POLB: variants seen among roughly 807,000 people sequenced by gnomAD.
POLB encodes 5'-dRP lyase.
In POLB, 37 loss-of-function variants were observed where a neutral mutation model predicts 52.7. That is an observed-to-expected ratio of 0.70 (90% CI 0.54 to 0.92). The LOEUF (loss-of-function observed/expected upper bound fraction) is 0.92, where lower values mean the gene tolerates loss of function less well. Ranked by LOEUF, POLB falls within the 40% of genes least tolerant of loss-of-function variation. The probability of loss-of-function intolerance (pLI) is 0.00; values close to 1 mark genes in which losing one functional copy is unlikely to be tolerated. For missense variants in POLB, 313 were observed against 400.8 expected (o/e 0.78, Z 1.87); for synonymous variants, 138 against 131.3 (o/e 1.05, Z -0.35).
intron 13 of POLB, among the ~76,000 whole-genome samples, chr8:42,371,359 G>A (rs917266847): frequency 8.5e-5 from 13 of 152,214 alleles, no homozygotes; most frequent in Middle Eastern, 6.8e-3. Flanking sequence ...CTGACCTCAG[G>A]TGATCTACCT....
intron 11 of POLB, among the ~76,000 whole-genome samples, chr8:42,363,563 G>T (rs961699316): frequency 6.7e-6 from 1 of 149,294 alleles, no homozygotes; most frequent in Non-Finnish European, 1.5e-5. Context: ...AAAAGAATGG[G>T]TTAATTAGGC....
chr8:42,351,033 T>C (rs1197475058), intron 5 of POLB, among the ~76,000 whole-genome samples: 5 of 152,070 alleles, frequency 3.3e-5, no homozygotes, highest in African/African-American at 9.7e-5. Flanking sequence ...CGCAACCATG[T>C]GTGGCCAATT....
At chr8:42,352,634 A>G in intron 6 of POLB, 66 bp downstream of exon 6, 1 of 937,778 alleles carries the variant, frequency 1.1e-6, no homozygotes, top group Admixed American at 1.9e-5. Context: ...TAGTGCTCTA[A>G]CAAACTTCAA....
Position 42,350,002 on chromosome 8 carries a change from TAAAG to T in POLB, c.262-3_262del. ...ATCATTGTTAGACTTTTTTTTTTCT[TAAAG>T]ATTCGGCAGGATGATACGAGTTCAT... On this transcript the variant is annotated splice_acceptor_variant and splice_polypyrimidine_tract_variant and intron_variant, in intron 4 of 13. Coordinates refer to ENST00000265421, the MANE Select transcript of POLB (RefSeq NM_002690.3). LOFTEE classifies it high-confidence loss of function. 1.3e-6 allele frequency: 2 copies of T among 1,598,966 alleles called. No homozygotes were observed. The highest frequency in any genetic ancestry group is 1.7e-6 in the Non-Finnish European group (2 of 1,166,422).
chr8:42,340,395 A>G (rs531134977), intron 2 of POLB, among the ~76,000 whole-genome samples: 6 of 152,366 alleles, frequency 3.9e-5, no homozygotes, highest in African/African-American at 1.2e-4. Context: ...GATTACCTTC[A>G]GGGTATGTGC....
At chr8:42,350,331 C>T (rs181431280) in intron 5 of POLB, among the ~76,000 whole-genome samples, 4 of 152,274 alleles carry the variant, frequency 2.6e-5, no homozygotes, top group South Asian at 2.1e-4. Context: ...CCTCTGAACT[C>T]CACTACCATT....
At chr8:42,356,626 A>G (rs1455736509) in intron 7 of POLB, among the ~76,000 whole-genome samples, 1 of 150,696 alleles carries the variant, frequency 6.6e-6, no homozygotes, top group Non-Finnish European at 1.5e-5. Context: ...CCTCAGACCT[A>G]GGCAGCTGCT....
At chr8:42,342,593 C>T (rs774779824) in intron 2 of POLB, 133 of 706,056 alleles carry the variant, frequency 1.9e-4, no homozygotes, top group Middle Eastern at 4.0e-4. Flanking sequence ...TTTGGTATCT[C>T]TTAAAGTAGG....
chr8:42,346,490 T>C (rs1428520523), intron 3 of POLB, among the ~76,000 whole-genome samples: 1 of 151,130 alleles, frequency 6.6e-6, no homozygotes, highest in East Asian at 1.9e-4. Flanking sequence ...AGCCAAGCAA[T>C]CCTCCCACCT....
chr8:42,354,488 G>A lies in POLB; in HGVS notation c.371-1028G>A, dbSNP rs945266984. ...TGAGTCACTTTTAGACTTAATATGGGATGTTATGACAATTCTTAAGTTAAA... is the reference window on the plus strand; with the variant it reads ...TGAGTCACTTTTAGACTTAATATGGAATGTTATGACAATTCTTAAGTTAAA... On this transcript the variant is annotated intron_variant, in intron 6 of 13. Coordinates refer to ENST00000265421, the MANE Select transcript of POLB (RefSeq NM_002690.3). 3 of 1,270,352 alleles carry A rather than the reference G, an allele frequency of 2.4e-6. No homozygotes were observed. In the Admixed American group the frequency reaches 6.9e-5, roughly 29 times the overall value. 78.7% of individuals were successfully genotyped at this position (1,270,352 alleles called of 1,614,324 possible).
At chr8:42,352,479 A>C in intron 5 of POLB, 40 bp from the exon 6 acceptor site, 1 of 1,372,310 alleles carries the variant, frequency 7.3e-7, no homozygotes, top group Non-Finnish European at 1.0e-6. Flanking sequence ...AAGGATCCCA[A>C]GTTTCACCCA....
intron 6 of POLB, 108 bp from the exon 7 acceptor site, chr8:42,355,408 T>C (rs540449627): frequency 7.6e-6 from 5 of 660,540 alleles, no homozygotes; most frequent in Middle Eastern, 2.6e-4. Context: ...GTCATTTCAA[T>C]GTATTTGTTC....
rs1004766454 is a variant in POLB at position 42,342,349 on chromosome 8, G to C, written c.120-2604G>C. ...CAGCAGGCCAGTACAATATGTTGCA[G>C]CATAATTTGTCAGGCCAACCTTCAC... On this transcript the variant is annotated intron_variant, in intron 2 of 13. Transcript: ENST00000265421. The C allele has an allele frequency of 3.3e-6, 5 of 1,507,478 alleles. No individual in the cohort carries two copies. The Admixed American group carries it at 8.3e-5, about 25-fold the overall frequency. 93.4% of individuals were successfully genotyped at this position (1,507,478 alleles called of 1,614,324 possible). A position where few individuals can be genotyped will look rare whatever the true frequency, so the allele number is the denominator to read the frequency against.
At chr8:42,339,093 G>A in intron 2 of POLB, 24 bp downstream of exon 2, 2 of 1,576,578 alleles carry the variant, frequency 1.3e-6, no homozygotes, top group Non-Finnish European at 1.7e-6. Flanking sequence ...GCATTCTCGG[G>A]TAGCATACGT....
intron 12 of POLB, 57 bp downstream of exon 12, chr8:42,369,392 T>C (rs1046633285): frequency 6.3e-5 from 63 of 992,936 alleles, no homozygotes; most frequent in Non-Finnish European, 8.9e-5. Context: ...TCTCGTTTTC[T>C]CCCTCCCTGT....
At chr8:42,345,963 T>C (rs1822583838) in intron 3 of POLB, among the ~76,000 whole-genome samples, 1 of 152,190 alleles carries the variant, frequency 6.6e-6, no homozygotes, top group Admixed American at 6.5e-5. Flanking sequence ...ACCCTGTTGC[T>C]CAGGCTGGAG....
rs1007926518 is a variant in POLB at position 42,338,527 on chromosome 8, T to C, written c.-98T>C. 1.4e-5 allele frequency: 15 copies of C among 1,094,968 alleles called. No homozygotes were observed. Among genetic ancestry groups the C allele is most frequent in the Non-Finnish European group, 2.0e-5 (14 of 711,520 alleles). The allele number at this position is 1,094,968 out of a possible 1,614,324, so 67.8% of individuals were successfully genotyped here. ...GCCGGTCGCGCCGGAGCTGGGTTGCTCCTGCTCCCGTCTCCAAGTCCTGGT... is the reference window on the plus strand; with the variant it reads ...GCCGGTCGCGCCGGAGCTGGGTTGCCCCTGCTCCCGTCTCCAAGTCCTGGT... On this transcript the variant is annotated 5_prime_UTR_variant, in exon 1 of 14. Coordinates refer to ENST00000265421, the MANE Select transcript of POLB (RefSeq NM_002690.3).
chr8:42,347,452 T>C (rs1461127216), intron 3 of POLB, among the ~76,000 whole-genome samples: 1 of 151,410 alleles, frequency 6.6e-6, no homozygotes, highest in Non-Finnish European at 1.5e-5. Context: ...GAAATTATTC[T>C]AGATTATCTA....
At chr8:42,366,345 C>T (rs923417741) in intron 11 of POLB, among the ~76,000 whole-genome samples, 4 of 152,076 alleles carry the variant, frequency 2.6e-5, no homozygotes, top group African/African-American at 9.7e-5. Context: ...AAAGGCATCC[C>T]CCAGACATAT....
Sources: gnomAD v4.1 joint callset for allele counts (sites outside exome capture counted in the v4.1 genomes callset) on GRCh38, gnomAD v4.1.1 for gene constraint, MANE v1.5 for transcripts, NCBI Gene and HGNC (gene_info 2026-07-23, HGNC 2026-07-21) for gene names.